FOXP2: variants seen among roughly 807,000 people sequenced by gnomAD.
FOXP2 encodes the protein forkhead box P2, also known as forkhead box protein P2.
In FOXP2, 12 loss-of-function variants were observed where a neutral mutation model predicts 115.8. That is an observed-to-expected ratio of 0.10 (90% confidence interval 0.07 to 0.17). The LOEUF is 0.17. Among genes scored for constraint, FOXP2 ranks in the 10% least tolerant of loss-of-function variants. FOXP2 has a pLI of 1.00. For synonymous variants in FOXP2, 328 were observed against 297.7 expected (o/e 1.10, Z -1.05); for missense variants, 629 against 843.5 (o/e 0.75, Z 3.15).
At chr7:114,504,897 C>T (rs1055310560) in intron 2 of FOXP2, among the ~76,000 whole-genome samples, 2 of 151,578 alleles carry the variant, frequency 1.3e-5, no homozygotes, top group Non-Finnish European at 3.0e-5. Context: ...GGATCTCACT[C>T]AGCCTTGACT....
intron 1 of FOXP2, among the ~76,000 whole-genome samples, chr7:114,196,222 G>A (rs1793902218): frequency 6.6e-6 from 1 of 151,740 alleles, no homozygotes; most frequent in African/African-American, 2.4e-5. Context: ...ATGTTGTCCA[G>A]GATAGTCTCC....
intron 2 of FOXP2, among the ~76,000 whole-genome samples, chr7:114,514,504 A>C (rs1193337884): frequency 6.6e-6 from 1 of 151,948 alleles, no homozygotes; most frequent in Non-Finnish European, 1.5e-5. Flanking sequence ...AACATCATGG[A>C]ATATTTGTCT....
At chr7:114,661,946 T>A in intron 13 of FOXP2, 119 bp from the exon 14 acceptor site, 2 of 1,279,586 alleles carry the variant, frequency 1.6e-6, no homozygotes, top group East Asian at 5.1e-5. Flanking sequence ...TTGATTTTAA[T>A]ACTTAAACAT....
intron 1 of FOXP2, among the ~76,000 whole-genome samples, chr7:114,183,623 A>G (rs1793513900): frequency 6.6e-6 from 1 of 152,164 alleles, no homozygotes; most frequent in African/African-American, 2.4e-5. Flanking sequence ...GTTCTCTGAA[A>G]ACTATAAATT....
At chr7:114,577,093 G>T (rs957926928) in intron 3 of FOXP2, among the ~76,000 whole-genome samples, 1 of 151,814 alleles carries the variant, frequency 6.6e-6, no homozygotes, top group Non-Finnish European at 1.5e-5. Context: ...TGAGTGAATT[G>T]TTTGTTATGC....
chr7:114,126,107 T>C (rs1405613093), intron 1 of FOXP2, among the ~76,000 whole-genome samples: 1 of 152,078 alleles, frequency 6.6e-6, no homozygotes, highest in East Asian at 1.9e-4. Flanking sequence ...GATGTGTAAA[T>C]AGATAATTAA....
intron 16 of FOXP2, among the ~76,000 whole-genome samples, chr7:114,687,297 CT>C (rs921284815): frequency 4.6e-5 from 7 of 152,124 alleles, no homozygotes; most frequent in African/African-American, 1.7e-4. Flanking sequence ...TTACAATACC[CT>C]GCTAATGACG....
chr7:114,260,307 C>A (rs766114509), intron 1 of FOXP2, among the ~76,000 whole-genome samples: 1 of 151,938 alleles, frequency 6.6e-6, no homozygotes, highest in Admixed American at 6.6e-5. Context: ...TCAGGGATGG[C>A]CTTGTGAATT....
chr7:114,364,053 A>T (rs1791817625), intron 2 of FOXP2, among the ~76,000 whole-genome samples: 1 of 137,372 alleles, frequency 7.3e-6, no homozygotes, highest in Non-Finnish European at 1.7e-5. Flanking sequence ...TTTATGAATT[A>T]GCCTTAAGTA....
intron 1 of FOXP2, among the ~76,000 whole-genome samples, chr7:114,204,993 G>T (rs568041575): frequency 6.6e-6 from 1 of 151,586 alleles, no homozygotes; most frequent in East Asian, 1.9e-4. Flanking sequence ...GCCTTTTGCC[G>T]TAGACTGCTG....
chr7:114,281,886 G>C (rs540823768), intron 1 of FOXP2, among the ~76,000 whole-genome samples: 1 of 152,194 alleles, frequency 6.6e-6, no homozygotes, highest in South Asian at 2.1e-4. Flanking sequence ...ATGTGGTAGA[G>C]TCTTGAAGGA....
At chr7:114,379,662 A>G (rs927901222) in intron 2 of FOXP2, among the ~76,000 whole-genome samples, 5 of 152,146 alleles carry the variant, frequency 3.3e-5, no homozygotes, top group African/African-American at 1.2e-4. Flanking sequence ...TTACAGTTTC[A>G]ATTCTGGAAG....
chr7:114,109,963 A>C (rs1791221121), intron 1 of FOXP2, among the ~76,000 whole-genome samples: 1 of 152,142 alleles, frequency 6.6e-6, no homozygotes, highest in Non-Finnish European at 1.5e-5. Context: ...AAGTGAAGTA[A>C]GTAATCTAAA....
At chr7:114,431,092 G>C (rs1285411470) in intron 2 of FOXP2, among the ~76,000 whole-genome samples, 2 of 151,890 alleles carry the variant, frequency 1.3e-5, no homozygotes, top group African/African-American at 4.8e-5. Context: ...ATAGGTACAA[G>C]TGGTAGCATA....
intron 2 of FOXP2, among the ~76,000 whole-genome samples, chr7:114,428,749 A>G (rs924743903): frequency 7.3e-5 from 11 of 151,518 alleles, no homozygotes; most frequent in Non-Finnish European, 1.2e-4. Context: ...AAGGATTAAC[A>G]TATCTTTTCT....
intron 1 of FOXP2, among the ~76,000 whole-genome samples, chr7:114,225,185 G>T (rs992753329): frequency 6.6e-6 from 1 of 151,990 alleles, no homozygotes; most frequent in Non-Finnish European, 1.5e-5. Context: ...AAGGGGTGGG[G>T]TATGTTGCTT....
chr7:114,176,302 C>CTTTCTT (rs1562992950), intron 1 of FOXP2, among the ~76,000 whole-genome samples: 11 of 91,308 alleles, frequency 1.2e-4, no homozygotes, highest in African/African-American at 8.3e-4. Flanking sequence ...CTTTCTTTCT[C>CTTTCTT]TCTCTCTCTC....
In FOXP2 at chr7:114,588,514, A is replaced by G. The variant is rs367944833; in HGVS notation, c.259-40026A>G. ...ATGGAAAATGAAATACTCTCTGCCCACAAGAAACTGACAATACATATCTTC... is the reference window on the plus strand; with the variant it reads ...ATGGAAAATGAAATACTCTCTGCCCGCAAGAAACTGACAATACATATCTTC... On this transcript the variant is annotated intron_variant, in intron 3 of 16. Coordinates refer to ENST00000350908, the MANE Select transcript of FOXP2 (RefSeq NM_014491.4). 3.9e-5 allele frequency among the ~76,000 whole-genome samples: 6 copies of G among 152,312 alleles called. No homozygotes were observed. In the East Asian group the frequency reaches 7.7e-4, roughly 20 times the overall value.
chr7:114,401,639 G>A (rs1010075377), intron 2 of FOXP2, among the ~76,000 whole-genome samples: 1 of 152,140 alleles, frequency 6.6e-6, no homozygotes, highest in Non-Finnish European at 1.5e-5. Context: ...GTCAAAGCCA[G>A]GTCTGTTAGA....
Sources: gnomAD v4.1 joint callset for allele counts (sites outside exome capture counted in the v4.1 genomes callset) on GRCh38, gnomAD v4.1.1 for gene constraint, MANE v1.5 for transcripts, NCBI Gene and HGNC (gene_info 2026-07-23, HGNC 2026-07-21) for gene names.